The following ZNF92 variants were observed in gnomAD, a reference collection of about 807,000 sequenced individuals.
The protein encoded by ZNF92 is epididymis luminal protein 203.
In ZNF92, 11 loss-of-function variants were observed where a neutral mutation model predicts 12.4. That is an observed-to-expected ratio of 0.89 (90% CI 0.56 to 1.47). The LOEUF (loss-of-function observed/expected upper bound fraction) is 1.47. ZNF92 is among the 40% of genes most tolerant of loss of function. ZNF92 has a pLI of 0.00. For missense variants in ZNF92, 622 were observed against 681.0 expected (o/e 0.91, Z 0.96); for synonymous variants, 206 against 228.6 (o/e 0.90, Z 0.89).
intron 1 of ZNF92, among the ~76,000 whole-genome samples, chr7:65,380,693 T>A (rs1424773814): frequency 6.6e-6 from 1 of 152,162 alleles, no homozygotes; most frequent in Non-Finnish European, 1.5e-5. Flanking sequence ...TAGAATAATT[T>A]GTATTCTTTG....
intron 3 of ZNF92, among the ~76,000 whole-genome samples, chr7:65,395,538 A>G (rs1793824360): frequency 6.6e-6 from 1 of 152,122 alleles, no homozygotes; most frequent in African/African-American, 2.4e-5. Flanking sequence ...GTAATCCTCA[A>G]TGTTTGATGT....
intron 1 of ZNF92, among the ~76,000 whole-genome samples, chr7:65,374,998 C>T (rs1174090616): frequency 6.6e-6 from 1 of 151,930 alleles, no homozygotes; most frequent in Admixed American, 6.6e-5. Flanking sequence ...TGTACATTTT[C>T]GATGGCATAT....
chr7:65,396,310 T>C (rs569016475), intron 3 of ZNF92, among the ~76,000 whole-genome samples: 1 of 152,140 alleles, frequency 6.6e-6, no homozygotes, highest in Non-Finnish European at 1.5e-5. Flanking sequence ...TTTCCTGTTT[T>C]ACTCCTTGAA....
At chr7:65,391,586 A>G (rs1052630424) in intron 3 of ZNF92, among the ~76,000 whole-genome samples, 1 of 152,190 alleles carries the variant, frequency 6.6e-6, no homozygotes, top group African/African-American at 2.4e-5. Flanking sequence ...GTATCCCCCA[A>G]ATATTTGTTT....
intron 1 of ZNF92, among the ~76,000 whole-genome samples, chr7:65,386,261 G>A (rs1449128016): frequency 6.6e-6 from 1 of 151,976 alleles, no homozygotes; most frequent in African/African-American, 2.4e-5. Context: ...CTTGTGATCT[G>A]CCTGTCTTGG....
At chr7:65,376,058 A>G (rs898065354) in intron 1 of ZNF92, among the ~76,000 whole-genome samples, 17 of 151,480 alleles carry the variant, frequency 1.1e-4, no homozygotes, top group African/African-American at 4.1e-4. Context: ...AATTACAGGC[A>G]CGCACAACCA....
Position 65,399,195 on chromosome 7 carries a change from A to G in ZNF92, c.1081A>G (p.Ile361Val). Residue 361 changes from isoleucine to valine, a missense_variant, in exon 4 of 4, where the codon ATA (isoleucine) becomes GTA (valine). Physicochemically the swap from Ile to Val is conservative, Grantham distance 29. Transcript: ENST00000328747. ...GTTCTCAAACCTTACTAAACATAAGATAATTCATACTGGAGAGAAACCCTA... is the reference window on the plus strand; with the variant it reads ...GTTCTCAAACCTTACTAAACATAAGGTAATTCATACTGGAGAGAAACCCTA... ...NQFSNLTKHK[I>V]IHTGEKPYKC... 3 of 1,613,394 alleles carry G rather than the reference A, an allele frequency of 1.9e-6. No homozygotes were observed. Among genetic ancestry groups the G allele is most frequent in the Non-Finnish European group, 2.5e-6 (3 of 1,179,738 alleles).
chr7:65,392,398 ATTG>A (rs1584286899), intron 3 of ZNF92, among the ~76,000 whole-genome samples: 1 of 151,428 alleles, frequency 6.6e-6, no homozygotes, highest in African/African-American at 2.4e-5. Flanking sequence ...TTAAAAAATA[ATTG>A]TTGTAAAAAC....
chr7:65,384,446 G>A (rs1044349527), intron 1 of ZNF92, among the ~76,000 whole-genome samples: 2 of 152,020 alleles, frequency 1.3e-5, no homozygotes, highest in Admixed American at 6.6e-5. Context: ...TGATGAATTC[G>A]GCTGCCTTTC....
chr7:65,399,007 C>T lies in ZNF92; in HGVS notation c.893C>T (p.Ser298Leu), dbSNP rs762632972. The change falls in exon 4 of 4, where the codon TCG becomes TTG. Residue 298 changes from serine to leucine, a missense_variant. Ser to Leu is a moderately radical substitution (Grantham distance 145). Transcript: ENST00000328747. ...TGTGGCAAGGCCTTTAACCAGTTCT[C>T]GATTCTTAATAAACATAAGAGAATT... ...EECGKAFNQF[S>L]ILNKHKRIHM... 17 of 1,613,306 alleles carry T rather than the reference C, an allele frequency of 1.1e-5. No homozygotes were observed. The highest frequency in any genetic ancestry group is 2.2e-5 in the South Asian group (2 of 91,026).
intron 1 of ZNF92, among the ~76,000 whole-genome samples, chr7:65,382,992 C>T (rs189976222): frequency 4.6e-5 from 7 of 152,206 alleles, no homozygotes; most frequent in South Asian, 2.1e-4. Context: ...AATAATGCTA[C>T]GCTGAACACT....
chr7:65,394,931 C>G (rs1055645171), intron 3 of ZNF92, among the ~76,000 whole-genome samples: 1 of 152,128 alleles, frequency 6.6e-6, no homozygotes, highest in Non-Finnish European at 1.5e-5. Flanking sequence ...CAGGCATGAG[C>G]CACTGTGCCT....
chr7:65,389,524 T>G (rs1178796739), intron 3 of ZNF92, among the ~76,000 whole-genome samples: 2 of 151,910 alleles, frequency 1.3e-5, no homozygotes, highest in Non-Finnish European at 2.9e-5. Flanking sequence ...CTACTTTTCT[T>G]TTTGTTTTTT....
chr7:65,384,370 T>C (rs1793506948), intron 1 of ZNF92, among the ~76,000 whole-genome samples: 1 of 152,116 alleles, frequency 6.6e-6, no homozygotes, highest in African/African-American at 2.4e-5. Flanking sequence ...TTGGAGGCCT[T>C]ATTGAAGTCT....
chr7:65,381,207 GT>G (rs1793408608), intron 1 of ZNF92, among the ~76,000 whole-genome samples: 1 of 151,862 alleles, frequency 6.6e-6, no homozygotes, highest in Middle Eastern at 3.4e-3. Context: ...AGAGACGGGG[GT>G]TTCACCATAT....
chr7:65,382,692 T>C lies in ZNF92; in HGVS notation c.4-5210T>C, dbSNP rs111358052. ...GTAACATGCATGCATTGAGTAGACATGTAGGCATGAGAATCTCCACTTTCC... is the reference window on the plus strand; with the variant it reads ...GTAACATGCATGCATTGAGTAGACACGTAGGCATGAGAATCTCCACTTTCC... On this transcript the variant is annotated intron_variant, in intron 1 of 3. Transcript: ENST00000328747. Among the ~76,000 whole-genome samples, 412 of 152,214 alleles carry C rather than the reference T, an allele frequency of 2.7e-3. 3 individuals are homozygous for C. The highest frequency in any genetic ancestry group is 4.7e-3 in the Non-Finnish European group (319 of 68,016).
In ZNF92 at chr7:65,398,550, C is replaced by T; in HGVS notation, c.436C>T (p.Gln146Ter). ...CLTTTDSKIF[Q>*]CDKYVKVFHK... is the part of the protein sequence containing the mutation. ...GACAACTACTGACAGCAAGATATTT[C>T]AGTGTGATAAATATGTGAAAGTCTT... is the stretch of plus-strand genomic sequence containing the variant. The change falls in exon 4 of 4, where the codon CAG (glutamine) becomes TAG (stop). Residue 146 changes from glutamine to a stop codon, truncating the protein, a stop_gained. Transcript: ENST00000328747. LOFTEE classifies it low-confidence loss of function (END_TRUNC). 6.2e-7 allele frequency: 1 copy of T among 1,610,292 alleles called. No homozygotes were observed. Among genetic ancestry groups the T allele is most frequent in the South Asian group, 1.1e-5 (1 of 90,424 alleles).
chr7:65,381,615 A>G (rs1221435990), intron 1 of ZNF92, among the ~76,000 whole-genome samples: 2 of 152,080 alleles, frequency 1.3e-5, no homozygotes, highest in Middle Eastern at 3.4e-3. Flanking sequence ...GGCAGTTTCT[A>G]TGTCTGGAAT....
intron 1 of ZNF92, among the ~76,000 whole-genome samples, chr7:65,375,435 A>G (rs1196333519): frequency 6.6e-6 from 1 of 151,698 alleles, no homozygotes; most frequent in Non-Finnish European, 1.5e-5. Context: ...CTCCTGGGCT[A>G]CTCTTCCTTT....
Sources: gnomAD v4.1 joint callset for allele counts (sites outside exome capture counted in the v4.1 genomes callset) on GRCh38, gnomAD v4.1.1 for gene constraint, MANE v1.5 for transcripts, NCBI Gene and HGNC (gene_info 2026-07-23, HGNC 2026-07-21) for gene names.